The following CUEDC1 variants were observed in gnomAD, a reference collection of about 807,000 sequenced individuals.
The protein encoded by CUEDC1 is CUE domain containing 1.
In CUEDC1, 30 loss-of-function variants were observed where a neutral mutation model predicts 43.7. The observed-to-expected ratio is 0.69, with a 90% confidence interval of 0.51 to 0.93. CUEDC1 has a LOEUF of 0.93. Among genes scored for constraint, CUEDC1 ranks in the 40% least tolerant of loss-of-function variants. CUEDC1 has a pLI of 0.00. For synonymous variants in CUEDC1, 223 were observed against 223.6 expected, an observed-to-expected ratio of 1.00 and a Z score of 0.02; for missense variants, 486 against 549.0, an observed-to-expected ratio of 0.89 and a Z score of 1.15.
At chr17:57,896,351 C>G (rs1368591352) in intron 1 of CUEDC1, among the ~76,000 whole-genome samples, 1 of 152,134 alleles carries the variant, frequency 6.6e-6, no homozygotes, top group African/African-American at 2.4e-5. Context: ...TATCAGCATC[C>G]TCCTCTCTCT....
intron 1 of CUEDC1, among the ~76,000 whole-genome samples, chr17:57,906,659 GCAC>G (rs1328683114): frequency 6.6e-6 from 1 of 152,084 alleles, no homozygotes; most frequent in African/African-American, 2.4e-5. Context: ...GACAAATAAG[GCAC>G]CAGATTGTAG....
chr17:57,898,546 C>G (rs73314244), intron 1 of CUEDC1, among the ~76,000 whole-genome samples: 1,870 of 152,236 alleles, frequency 0.012, 38 homozygotes, highest in African/African-American at 0.042. Context: ...TCTCAGATGG[C>G]GCTCCTGCAG....
intron 3 of CUEDC1, among the ~76,000 whole-genome samples, chr17:57,874,361 C>T (rs901473651): frequency 1.3e-5 from 2 of 152,140 alleles, no homozygotes; most frequent in African/African-American, 4.8e-5. Context: ...CTCAGGAGGC[C>T]GTGTCCTGAG....
intron 1 of CUEDC1, among the ~76,000 whole-genome samples, chr17:57,933,117 A>G (rs2074824739): frequency 6.6e-6 from 1 of 152,246 alleles, no homozygotes; most frequent in South Asian, 2.1e-4. Context: ...TGGCTGCCCA[A>G]TAGAAACACC....
chr17:57,906,319 C>A (rs1318733496), intron 1 of CUEDC1, among the ~76,000 whole-genome samples: 3 of 152,158 alleles, frequency 2.0e-5, no homozygotes, highest in Non-Finnish European at 2.9e-5. Context: ...TGTGGATGAA[C>A]CTTGAAAACA....
At chr17:57,908,872 C>T (rs2074554736) in intron 1 of CUEDC1, among the ~76,000 whole-genome samples, 1 of 152,128 alleles carries the variant, frequency 6.6e-6, no homozygotes, top group Non-Finnish European at 1.5e-5. Flanking sequence ...TGGCATGCAC[C>T]TCTATTCCCA....
At chr17:57,939,877 T>A (rs568522874) in intron 1 of CUEDC1, among the ~76,000 whole-genome samples, 13 of 152,098 alleles carry the variant, frequency 8.5e-5, no homozygotes, top group Non-Finnish European at 1.3e-4. Context: ...AGCAGCGGCG[T>A]CCTGCAGGTG....
intron 1 of CUEDC1, among the ~76,000 whole-genome samples, chr17:57,926,908 G>C (rs1475015359): frequency 6.6e-6 from 1 of 152,104 alleles, no homozygotes; most frequent in Non-Finnish European, 1.5e-5. Context: ...AAGCGGGAAA[G>C]GAATGACTCA....
chr17:57,871,426 A>C, intron 5 of CUEDC1, 57 bp from the exon 6 acceptor site: 1 of 1,456,936 alleles, frequency 6.9e-7, no homozygotes, highest in Admixed American at 1.7e-5. Flanking sequence ...TCCCAGGGGC[A>C]GGCTGGGCTG....
intron 2 of CUEDC1, among the ~76,000 whole-genome samples, chr17:57,883,240 G>C (rs1306409993): frequency 6.6e-6 from 1 of 152,190 alleles, no homozygotes; most frequent in Non-Finnish European, 1.5e-5. Flanking sequence ...TATGTGCGTG[G>C]ATTGTCCTGG....
intron 3 of CUEDC1, among the ~76,000 whole-genome samples, chr17:57,877,578 TA>T (rs560214172): frequency 1.1e-3 from 143 of 127,226 alleles, no homozygotes; most frequent in East Asian, 4.9e-3. Flanking sequence ...ATTGGAATAT[TA>T]AAAAAAAAAA....
chr17:57,869,947 C>CTAGA (rs1448256214), intron 6 of CUEDC1: 1 of 152,318 alleles, frequency 6.6e-6, no homozygotes, highest in Admixed American at 6.5e-5. Context: ...GCCCCGGTAT[C>CTAGA]TCTAGTTAAT....
At chr17:57,928,487 TAC>T (rs1324644458) in intron 1 of CUEDC1, among the ~76,000 whole-genome samples, 1 of 142,384 alleles carries the variant, frequency 7.0e-6, no homozygotes, top group Non-Finnish European at 1.5e-5. Context: ...AGGTGGCGCT[TAC>T]AGTGAGCTGA....
chr17:57,906,660 C>T (rs2074532311), intron 1 of CUEDC1, among the ~76,000 whole-genome samples: 1 of 152,088 alleles, frequency 6.6e-6, no homozygotes, highest in Non-Finnish European at 1.5e-5. Flanking sequence ...ACAAATAAGG[C>T]ACCAGATTGT....
At position 57,955,333 on chromosome 17, in the gene CUEDC1, GGCGGCGGCGCGGCTGGGGC is replaced by G. The variant is rs1413779998; in HGVS notation, c.-443_-425del. On this transcript the variant is annotated 5_prime_UTR_variant, in exon 1 of 11. Transcript: ENST00000577830. This position sits in a 1 kb window ranked among gnomAD's most constrained non-coding sequence, Gnocchi z 5.3. ...CGGTGGCGGCGGGGCCAGGCTCGGC[GGCGGCGGCGCGGCTGGGGC>G]GCGGGGAGGCGGAGAAAGTGAGGCG... The G allele has an allele frequency of 6.7e-6, 1 of 149,260 alleles. No individual in the cohort carries two copies. Among genetic ancestry groups the G allele is most frequent in the Non-Finnish European group, 1.5e-5 (1 of 67,004 alleles). The allele number at this position is 149,260 out of a possible 1,614,324, so 9.2% of individuals were successfully genotyped here.
At chr17:57,870,741 A>G (rs941810639) in intron 6 of CUEDC1, among the ~76,000 whole-genome samples, 1 of 151,746 alleles carries the variant, frequency 6.6e-6, no homozygotes, top group African/African-American at 2.4e-5. Context: ...CAGTGGCATA[A>G]TCACAGCTCA....
chr17:57,947,344 T>C (rs1015271451), intron 1 of CUEDC1, among the ~76,000 whole-genome samples: 2 of 152,186 alleles, frequency 1.3e-5, no homozygotes, highest in Non-Finnish European at 2.9e-5. Context: ...ATTTTTAAAC[T>C]CATTGTCCAG....
intron 1 of CUEDC1, among the ~76,000 whole-genome samples, chr17:57,899,653 C>G (rs1181816622): frequency 1.3e-5 from 2 of 152,180 alleles, no homozygotes; most frequent in African/African-American, 4.8e-5. Context: ...CCAGCTCACT[C>G]AACCCCATTC....
chr17:57,905,147 G>C (rs1338063662), intron 1 of CUEDC1, among the ~76,000 whole-genome samples: 2 of 151,994 alleles, frequency 1.3e-5, no homozygotes, highest in African/African-American at 4.8e-5. Context: ...GAATGAGGGG[G>C]CTGCATGCCT....
Sources: allele counts gnomAD v4.1 joint callset (sites outside exome capture counted in the v4.1 genomes callset), GRCh38; gene constraint gnomAD v4.1.1; non-coding constraint Gnocchi (gnomAD v3.1); transcripts MANE v1.5; gene names NCBI Gene and HGNC (gene_info 2026-07-23, HGNC 2026-07-21).